RIMS2: variants seen among roughly 807,000 people sequenced by gnomAD.
RIMS2 encodes regulating synaptic membrane exocytosis 2.
In RIMS2, 59 loss-of-function variants were observed where a neutral mutation model predicts 174.4. The observed-to-expected ratio is 0.34, with a 90% CI of 0.27 to 0.42. The LOEUF (loss-of-function observed/expected upper bound fraction) is 0.42. RIMS2 is among the 10% of genes least tolerant of loss of function. RIMS2 has a pLI of 1.00. For synonymous variants in RIMS2, 606 were observed against 572.5 expected (o/e 1.06, Z -0.84); for missense variants, 1,620 against 1,666.3 (o/e 0.97, Z 0.48).
intron 19 of RIMS2, among the ~76,000 whole-genome samples, chr8:104,034,146 G>A (rs1233278214): frequency 1.3e-5 from 2 of 152,090 alleles, no homozygotes; most frequent in Non-Finnish European, 2.9e-5. Context: ...TGCATCAATA[G>A]CATATATTGT....
chr8:103,545,983 G>C (rs546593599), intron 1 of RIMS2, among the ~76,000 whole-genome samples: 1 of 152,068 alleles, frequency 6.6e-6, no homozygotes, highest in Non-Finnish European at 1.5e-5. Context: ...CAAGTCTGCC[G>C]TAATAACCAG....
At chr8:103,825,496 G>T (rs1013700025) in intron 3 of RIMS2, among the ~76,000 whole-genome samples, 1 of 147,744 alleles carries the variant, frequency 6.8e-6, no homozygotes, top group Non-Finnish European at 1.5e-5. Context: ...TGTTGTCCAG[G>T]CTGGTCTCAA....
At chr8:103,781,400 T>G (rs1198311327) in intron 3 of RIMS2, among the ~76,000 whole-genome samples, 1 of 152,034 alleles carries the variant, frequency 6.6e-6, no homozygotes, top group Non-Finnish European at 1.5e-5. Context: ...GTGGAGGGAG[T>G]GAAGCCAGCT....
intron 3 of RIMS2, chr8:103,880,622 C>A (rs1296806912): frequency 4.0e-6 from 2 of 499,572 alleles, no homozygotes; most frequent in Non-Finnish European, 7.4e-6. Flanking sequence ...CACTGCCTGG[C>A]ACACTGTTGA....
intron 17 of RIMS2, among the ~76,000 whole-genome samples, chr8:103,992,258 G>T (rs2154550765): frequency 6.8e-6 from 1 of 146,266 alleles, no homozygotes; most frequent in Admixed American, 6.9e-5. Flanking sequence ...ACAGGCATGT[G>T]CCACCATGTC....
intron 1 of RIMS2, among the ~76,000 whole-genome samples, chr8:103,524,496 A>C (rs1255611384): frequency 6.6e-6 from 1 of 152,216 alleles, no homozygotes; most frequent in African/African-American, 2.4e-5. Flanking sequence ...GGAGAAGCAG[A>C]AAATGGACAG....
At position 103,619,071 on chromosome 8, in the gene RIMS2, G is replaced by A. The variant is rs575863686; in HGVS notation, c.177-78015G>A. ...CTGGATATGCTCCCCTATTACATGA[G>A]TCAATAACTTCACTTTTTGCTGAAA... On this transcript the variant is annotated intron_variant, in intron 1 of 23. Coordinates refer to ENST00000504942, the Ensembl canonical transcript of RIMS2. 3.6e-5 allele frequency among the ~76,000 whole-genome samples: 5 copies of A among 139,996 alleles called. 1 individual carries two copies. The East Asian group carries it at 8.8e-4, about 25-fold the overall frequency. The allele number at this position is 139,996 out of a possible 152,430, so 91.8% of individuals were successfully genotyped here.
chr8:103,712,530 A>G lies in RIMS2; in HGVS notation c.387+15234A>G, dbSNP rs532792919. Among the ~76,000 whole-genome samples, 8 of 152,298 alleles carry G rather than the reference A, an allele frequency of 5.3e-5. No individual in the cohort carries two copies. The South Asian group carries it at 1.7e-3, about 32-fold the overall frequency. On this transcript the variant is annotated intron_variant, in intron 2 of 23. Transcript: ENST00000504942. ...CTTTGTACATGATGTGCTCATCAGT[A>G]GTTAAGCTCCTTATCAGTAGATAAG...
chr8:103,524,432 A>C (rs1413256491), intron 1 of RIMS2, among the ~76,000 whole-genome samples: 1 of 152,172 alleles, frequency 6.6e-6, no homozygotes, highest in African/African-American at 2.4e-5. Flanking sequence ...AAATATTTTA[A>C]ACAAAGAAAA....
intron 1 of RIMS2, among the ~76,000 whole-genome samples, chr8:103,610,672 C>T (rs552757172): frequency 6.6e-6 from 1 of 152,264 alleles, no homozygotes; most frequent in African/African-American, 2.4e-5. Flanking sequence ...CATCCCACGG[C>T]TAAAACCAAT....
chr8:103,780,990 A>G (rs1465977160), intron 3 of RIMS2, among the ~76,000 whole-genome samples: 1 of 151,978 alleles, frequency 6.6e-6, no homozygotes, highest in African/African-American at 2.4e-5. Context: ...GGCTGTAGTA[A>G]ATGATTGGGT....
At chr8:103,877,145 C>T (rs1214480927) in intron 3 of RIMS2, among the ~76,000 whole-genome samples, 1 of 151,354 alleles carries the variant, frequency 6.6e-6, no homozygotes, top group Non-Finnish European at 1.5e-5. Context: ...AGTGGTTGTA[C>T]TAGTTTACAT....
At chr8:103,895,129 T>C (rs954910929) in intron 4 of RIMS2, among the ~76,000 whole-genome samples, 10 of 151,398 alleles carry the variant, frequency 6.6e-5, no homozygotes, top group African/African-American at 2.4e-4. Flanking sequence ...AATAAAATTA[T>C]GTGTACTTAC....
At chr8:104,227,673 T>A (rs570269839) in intron 19 of RIMS2, among the ~76,000 whole-genome samples, 1 of 152,322 alleles carries the variant, frequency 6.6e-6, no homozygotes, top group African/African-American at 2.4e-5. Context: ...TCTGGGTTAG[T>A]GATTCTTGTT....
chr8:103,549,171 G>A (rs34709042), intron 1 of RIMS2, among the ~76,000 whole-genome samples: 17,613 of 151,946 alleles, frequency 0.12, 1,359 homozygotes, highest in Non-Finnish European at 0.17. Context: ...ATAATTGTCA[G>A]ATTCACCAAA....
At chr8:103,697,575 A>G (rs925563788) in intron 2 of RIMS2, among the ~76,000 whole-genome samples, 3 of 151,800 alleles carry the variant, frequency 2.0e-5, no homozygotes, top group Non-Finnish European at 2.9e-5. Context: ...AAAACCCACA[A>G]AAATTAGCCA....
chr8:104,119,315 C>T (rs918368316), intron 19 of RIMS2, among the ~76,000 whole-genome samples: 3 of 151,928 alleles, frequency 2.0e-5, no homozygotes, highest in South Asian at 2.1e-4. Flanking sequence ...GAGCCGAGAT[C>T]GCGCCATTGC....
intron 3 of RIMS2, among the ~76,000 whole-genome samples, chr8:103,871,434 T>C (rs1232144575): frequency 6.6e-6 from 1 of 152,144 alleles, no homozygotes; most frequent in Non-Finnish European, 1.5e-5. Context: ...TTGTATAATA[T>C]AAAAATCTAG....
chr8:103,702,999 T>G (rs1015188419), intron 2 of RIMS2, among the ~76,000 whole-genome samples: 36 of 151,150 alleles, frequency 2.4e-4, no homozygotes, highest in Non-Finnish European at 4.3e-4. Context: ...TTTTTTTTTT[T>G]GAGACAAGAT....
Sources: allele counts gnomAD v4.1 joint callset (sites outside exome capture counted in the v4.1 genomes callset), GRCh38; gene constraint gnomAD v4.1.1; transcripts MANE v1.5; gene names NCBI Gene and HGNC (gene_info 2026-07-23, HGNC 2026-07-21).